Variants in MACROD2 observed in about 807,000 individuals in gnomAD.
The protein encoded by MACROD2 is mono-ADP ribosylhydrolase 2, also known as ADP-ribose glycohydrolase MACROD2.
In MACROD2, 36 loss-of-function variants were observed where a neutral mutation model predicts 70.4. That is an observed-to-expected ratio of 0.51 (90% CI 0.39 to 0.68). The LOEUF (loss-of-function observed/expected upper bound fraction) is 0.68, where lower values mean the gene tolerates loss of function less well. Among genes scored for constraint, MACROD2 ranks in the 30% least tolerant of loss-of-function variants. MACROD2 has a pLI of 0.00. For synonymous variants in MACROD2, 172 were observed against 178.8 expected, an observed-to-expected ratio of 0.96 and a Z score of 0.30; for missense variants, 496 against 538.4, an observed-to-expected ratio of 0.92 and a Z score of 0.78.
intron 6 of MACROD2, among the ~76,000 whole-genome samples, chr20:15,419,651 G>C (rs2046201626): frequency 6.6e-6 from 1 of 152,186 alleles, no homozygotes; most frequent in South Asian, 2.1e-4. Flanking sequence ...TCTCGAGTGG[G>C]TAATTTACTT....
chr20:15,394,213 G>A (rs557965973), intron 6 of MACROD2, among the ~76,000 whole-genome samples: 14 of 152,154 alleles, frequency 9.2e-5, no homozygotes, highest in Non-Finnish European at 1.9e-4. Flanking sequence ...CCAAAAATGT[G>A]AAATTATTTA....
chr20:15,831,529 C>T (rs1003527876), intron 8 of MACROD2, among the ~76,000 whole-genome samples: 1 of 152,198 alleles, frequency 6.6e-6, no homozygotes, highest in African/African-American at 2.4e-5. Flanking sequence ...CCTGCACCAG[C>T]TCTTCCTCCA....
intron 8 of MACROD2, among the ~76,000 whole-genome samples, chr20:15,787,253 G>A (rs1042932562): frequency 2.0e-5 from 3 of 152,040 alleles, no homozygotes; most frequent in Non-Finnish European, 4.4e-5. Flanking sequence ...ATTACAGGCC[G>A]AAGAAACATT....
chr20:14,180,088 C>T (rs547899897), intron 3 of MACROD2, among the ~76,000 whole-genome samples: 1 of 152,250 alleles, frequency 6.6e-6, no homozygotes, highest in East Asian at 1.9e-4. Context: ...ATTACCCCTT[C>T]CTCAACCTCT....
At chr20:15,238,562 G>A (rs903711516) in intron 6 of MACROD2, among the ~76,000 whole-genome samples, 1 of 151,906 alleles carries the variant, frequency 6.6e-6, no homozygotes, top group Non-Finnish European at 1.5e-5. Flanking sequence ...CAAATTATGT[G>A]TTCTTTCAAT....
At chr20:14,630,550 A>G (rs1233814631) in intron 4 of MACROD2, among the ~76,000 whole-genome samples, 1 of 152,204 alleles carries the variant, frequency 6.6e-6, no homozygotes, top group Non-Finnish European at 1.5e-5. Flanking sequence ...AACGTAAATT[A>G]TATATGCAGA....
intron 5 of MACROD2, among the ~76,000 whole-genome samples, chr20:14,838,422 C>A (rs543501790): frequency 6.6e-6 from 1 of 151,958 alleles, no homozygotes; most frequent in Non-Finnish European, 1.5e-5. Context: ...ATTAAGGGTG[C>A]CTTGTGGAAT....
chr20:15,419,281 A>G (rs6043266), intron 6 of MACROD2, among the ~76,000 whole-genome samples: 12,028 of 152,126 alleles, frequency 0.079, 1,523 homozygotes, highest in African/African-American at 0.27. Flanking sequence ...CCCATCAGTC[A>G]TTGGTAAAGG....
chr20:15,184,733 G>C lies in MACROD2; in HGVS notation c.419-45207G>C, dbSNP rs2076523325. ...AATTCTGGGAAATGCGGTCTTCCCAGTTCCCCAGGAGGAAAGTATCAAGTT... is the reference window on the plus strand; with the variant it reads ...AATTCTGGGAAATGCGGTCTTCCCACTTCCCCAGGAGGAAAGTATCAAGTT... On this transcript the variant is annotated intron_variant, in intron 5 of 17. Coordinates refer to ENST00000684519, the MANE Select transcript of MACROD2 (RefSeq NM_001351661.2). Among the ~76,000 whole-genome samples, 4 of 152,316 alleles carry C rather than the reference G, an allele frequency of 2.6e-5. No individual in the cohort carries two copies. The South Asian group carries it at 8.3e-4, about 32-fold the overall frequency.
chr20:15,851,318 T>A (rs970844813), intron 8 of MACROD2, among the ~76,000 whole-genome samples: 2 of 151,848 alleles, frequency 1.3e-5, no homozygotes, highest in African/African-American at 4.8e-5. Flanking sequence ...CAGGCTGCCA[T>A]CATAAAGTAC....
chr20:15,642,019 G>A (rs560626563), intron 8 of MACROD2, among the ~76,000 whole-genome samples: 6 of 152,286 alleles, frequency 3.9e-5, no homozygotes, highest in Admixed American at 3.3e-4. Context: ...TGCCTTTTGG[G>A]CATAAGAAGC....
chr20:15,029,963 G>A (rs1361133754), intron 5 of MACROD2, among the ~76,000 whole-genome samples: 1 of 151,530 alleles, frequency 6.6e-6, no homozygotes, highest in Non-Finnish European at 1.5e-5. Flanking sequence ...GATGGTGCCT[G>A]CCTGTAAACC....
intron 2 of MACROD2, among the ~76,000 whole-genome samples, chr20:14,062,081 A>G (rs139182753): frequency 2.4e-4 from 36 of 152,318 alleles, no homozygotes; most frequent in African/African-American, 8.7e-4. Flanking sequence ...AAATTAAAAT[A>G]TCATGCCTAA....
intron 15 of MACROD2, among the ~76,000 whole-genome samples, chr20:16,011,741 G>T (rs1446957181): frequency 6.6e-6 from 1 of 152,228 alleles, no homozygotes; most frequent in Admixed American, 6.5e-5. Flanking sequence ...CCCTGTCTTA[G>T]TATCCCTGCT....
chr20:15,520,402 C>A (rs2047636748), intron 8 of MACROD2, among the ~76,000 whole-genome samples: 1 of 152,216 alleles, frequency 6.6e-6, no homozygotes, highest in African/African-American at 2.4e-5. Context: ...AGTCAAAGTG[C>A]CAATGAACCA....
chr20:15,664,611 G>T (rs2049871931), intron 8 of MACROD2, among the ~76,000 whole-genome samples: 1 of 152,136 alleles, frequency 6.6e-6, no homozygotes, highest in Non-Finnish European at 1.5e-5. Context: ...TGTCCATCTG[G>T]GTTTGGCTCC....
intron 5 of MACROD2, among the ~76,000 whole-genome samples, chr20:14,759,273 TTAAA>T (rs1288599711): frequency 6.6e-6 from 1 of 152,126 alleles, no homozygotes. Flanking sequence ...GTTAATTTTC[TTAAA>T]TAATTTCTAC....
intron 5 of MACROD2, among the ~76,000 whole-genome samples, chr20:14,769,725 A>G (rs966020116): frequency 6.6e-6 from 1 of 152,112 alleles, no homozygotes; most frequent in Admixed American, 6.5e-5. Flanking sequence ...CTTGAAGTCA[A>G]TTGAAACCTA....
At chr20:14,118,291 T>C (rs930378790) in intron 3 of MACROD2, among the ~76,000 whole-genome samples, 1 of 152,208 alleles carries the variant, frequency 6.6e-6, no homozygotes, top group African/African-American at 2.4e-5. Context: ...CTTCAAAGTT[T>C]AGAAGGCATT....
Sources: gnomAD v4.1 joint callset for allele counts (sites outside exome capture counted in the v4.1 genomes callset) on GRCh38, gnomAD v4.1.1 for gene constraint, MANE v1.5 for transcripts, NCBI Gene and HGNC (gene_info 2026-07-23, HGNC 2026-07-21) for gene names.